ANKRD44: variants seen among roughly 807,000 people sequenced by gnomAD.
The protein encoded by ANKRD44 is serine/threonine-protein phosphatase 6 regulatory ankyrin repeat subunit B.
ANKRD44 carries 35 observed loss-of-function variants against 116.0 expected under a neutral mutation model. That is an observed-to-expected ratio of 0.30 (90% CI 0.23 to 0.40). The LOEUF is 0.40. Ranked by LOEUF, ANKRD44 falls within the 10% of genes least tolerant of loss-of-function variation. The pLI, the probability that ANKRD44 is intolerant of heterozygous loss-of-function variation, is 1.00. For synonymous variants in ANKRD44, 435 were observed against 461.8 expected (o/e 0.94, Z 0.74); for missense variants, 1,014 against 1,242.6 (o/e 0.82, Z 2.77).
At chr2:196,978,316 T>G (rs1574210843) in intron 21 of ANKRD44, among the ~76,000 whole-genome samples, 1 of 152,192 alleles carries the variant, frequency 6.6e-6, no homozygotes, top group East Asian at 1.9e-4. Context: ...GGAAGCTTCC[T>G]GAGGCCCTCA....
At chr2:197,103,599 C>T (rs1278602666) in intron 9 of ANKRD44, among the ~76,000 whole-genome samples, 3 of 151,966 alleles carry the variant, frequency 2.0e-5, no homozygotes, top group Non-Finnish European at 4.4e-5. Context: ...ATATACATAC[C>T]TATATATGCT....
In ANKRD44 at chr2:197,122,791, G is replaced by T; in HGVS notation, c.552C>A (p.Gly184=). The change falls in exon 7 of 28, where the codon GGC becomes GGA. Residue 184 remains glycine, a splice_region_variant and synonymous_variant. Transcript: ENST00000282272. ...RRALHWAAYM[G]HLDVVALLIN... is the part of the protein sequence containing the mutation. ...TGAGCAATGCTACAACATCCAAGTG[G>T]CCTTTACAAACAAAGCAGCAGAAAA... The T allele has an allele frequency of 2.5e-6, 4 of 1,612,226 alleles. No homozygotes were observed. Among genetic ancestry groups the T allele is most frequent in the Non-Finnish European group, 3.4e-6 (4 of 1,179,298 alleles).
chr2:196,980,522 T>C (rs1446413784), intron 21 of ANKRD44, among the ~76,000 whole-genome samples: 3 of 152,260 alleles, frequency 2.0e-5, no homozygotes, highest in African/African-American at 7.2e-5. Flanking sequence ...AATTTAATTT[T>C]CACCTAAACA....
intron 1 of ANKRD44, among the ~76,000 whole-genome samples, chr2:197,215,945 C>T (rs1404421949): frequency 6.6e-6 from 1 of 152,158 alleles, no homozygotes; most frequent in Non-Finnish European, 1.5e-5. Flanking sequence ...AACTTCACAA[C>T]CTTGATTAAC....
chr2:197,048,636 G>GC (rs565098366), intron 16 of ANKRD44, among the ~76,000 whole-genome samples: 90 of 152,294 alleles, frequency 5.9e-4, no homozygotes, highest in African/African-American at 2.0e-3. Context: ...TGTGAATAGT[G>GC]CCGCAATAAA....
intron 4 of ANKRD44, chr2:197,135,606 C>T (rs1209965941): frequency 6.6e-6 from 1 of 152,238 alleles, no homozygotes; most frequent in Non-Finnish European, 1.5e-5. Context: ...CAGCATTCAA[C>T]AACAAATTAT....
At chr2:197,151,025 G>C (rs557765699) in intron 2 of ANKRD44, among the ~76,000 whole-genome samples, 2 of 151,706 alleles carry the variant, frequency 1.3e-5, no homozygotes, top group East Asian at 3.9e-4. Flanking sequence ...CCCAGAGTCT[G>C]CCCTCATGTG....
intron 1 of ANKRD44, among the ~76,000 whole-genome samples, chr2:197,191,018 T>C (rs1433225002): frequency 6.6e-6 from 1 of 152,142 alleles, no homozygotes; most frequent in African/African-American, 2.4e-5. Context: ...AAAAAGGAGA[T>C]TCAGATACCA....
chr2:197,231,255 TC>T (rs1281346004), intron 1 of ANKRD44, among the ~76,000 whole-genome samples: 1 of 152,038 alleles, frequency 6.6e-6, no homozygotes, highest in East Asian at 1.9e-4. Context: ...AGACCCCGTC[TC>T]TAAAAAAATT....
At chr2:197,017,474 G>A (rs2076413897) in intron 17 of ANKRD44, among the ~76,000 whole-genome samples, 1 of 152,176 alleles carries the variant, frequency 6.6e-6, no homozygotes, top group Non-Finnish European at 1.5e-5. Context: ...GGAATTAAGA[G>A]TACAGATACA....
chr2:197,230,606 A>G (rs1039905806), intron 1 of ANKRD44, among the ~76,000 whole-genome samples: 10 of 152,180 alleles, frequency 6.6e-5, no homozygotes, highest in African/African-American at 1.9e-4. Flanking sequence ...TCAGTACCCA[A>G]TGGGAAAAGG....
Position 197,019,859 on chromosome 2 carries a change from C to T in ANKRD44, c.1722+5337G>A, listed in dbSNP as rs576076636. 2.0e-5 allele frequency among the ~76,000 whole-genome samples: 3 copies of T among 150,916 alleles called. No homozygotes were observed. In the East Asian group the frequency reaches 5.8e-4, roughly 29 times the overall value. On this transcript the variant is annotated intron_variant, in intron 17 of 27. Coordinates refer to ENST00000282272, the MANE Select transcript of ANKRD44 (RefSeq NM_001195144.2). ...TCGCCCAGGCTGGAGTGCAGTGGTG[C>T]CATCTTGGCTCACTGCAGCCTCCAC...
intron 1 of ANKRD44, among the ~76,000 whole-genome samples, chr2:197,307,308 C>T (rs373988585): frequency 1.3e-5 from 2 of 152,248 alleles, no homozygotes; most frequent in Admixed American, 6.5e-5. Context: ...TTCTATGTTA[C>T]ACAGGGTAAC....
intron 1 of ANKRD44, among the ~76,000 whole-genome samples, chr2:197,241,832 G>A (rs1212646799): frequency 3.3e-5 from 5 of 151,902 alleles, no homozygotes; most frequent in Non-Finnish European, 7.4e-5. Context: ...CCTGAAAGAG[G>A]AAAAGAAACT....
chr2:197,124,513 A>G (rs1283625352), intron 6 of ANKRD44, among the ~76,000 whole-genome samples: 1 of 152,222 alleles, frequency 6.6e-6, no homozygotes, highest in Non-Finnish European at 1.5e-5. Context: ...GTTTTATAAT[A>G]TGCTTTCATT....
rs1205281551 is a variant in ANKRD44, at chr2:197,197,822, A to G, written c.28-10716T>C. 1.7e-4 allele frequency among the ~76,000 whole-genome samples: 24 copies of G among 143,934 alleles called. No homozygotes were observed. The East Asian group carries it at 4.7e-3, about 28-fold the overall frequency. The allele number at this position is 143,934 out of a possible 152,430, so 94.4% of individuals were successfully genotyped here. A position where few individuals can be genotyped will look rare whatever the true frequency, so the allele number is the denominator to read the frequency against. On this transcript the variant is annotated intron_variant, in intron 1 of 27. Transcript: ENST00000282272. ...GAAATCCTGTCTCAAAAAAAAAAAA[A>G]AAAAAAAAGAAAGAAAGAAACACAG...
At chr2:197,248,554 ATGTGTGTG>A (rs3057750) in intron 1 of ANKRD44, among the ~76,000 whole-genome samples, 6 of 135,270 alleles carry the variant, frequency 4.4e-5, no homozygotes, top group Non-Finnish European at 6.3e-5. Flanking sequence ...ATATATGTAT[ATGTGTGTG>A]TGTGTGTGTG....
chr2:197,127,392 CT>C (rs1436759969), intron 4 of ANKRD44, among the ~76,000 whole-genome samples: 10 of 152,052 alleles, frequency 6.6e-5, no homozygotes, highest in Admixed American at 6.6e-4. Flanking sequence ...AGATAACTAC[CT>C]TTTTAAAAAC....
At chr2:197,289,813 T>A (rs1388982859) in intron 1 of ANKRD44, among the ~76,000 whole-genome samples, 1 of 152,106 alleles carries the variant, frequency 6.6e-6, no homozygotes, top group Non-Finnish European at 1.5e-5. Context: ...CACATCTACA[T>A]GTCATTAAAG....
Sources: gnomAD v4.1 joint callset for allele counts (sites outside exome capture counted in the v4.1 genomes callset) on GRCh38, gnomAD v4.1.1 for gene constraint, MANE v1.5 for transcripts, NCBI Gene and HGNC (gene_info 2026-07-23, HGNC 2026-07-21) for gene names.